SAFB: variants seen among roughly 807,000 people sequenced by gnomAD.
SAFB encodes the protein scaffold attachment factor B.
SAFB carries 15 observed loss-of-function variants against 101.6 expected under a neutral mutation model. The observed-to-expected ratio is 0.15, with a 90% confidence interval of 0.10 to 0.23. SAFB has a LOEUF of 0.23. Among genes scored for constraint, SAFB ranks in the 10% least tolerant of loss-of-function variants. The probability of loss-of-function intolerance (pLI) is 1.00; values close to 1 mark genes in which losing one functional copy is unlikely to be tolerated. For synonymous variants in SAFB, 449 were observed against 407.5 expected (o/e 1.10, Z -1.23); for missense variants, 930 against 1,104.1 (o/e 0.84, Z 2.23).
In SAFB at chr19:5,664,047, G is replaced by C. The variant is rs763229868; in HGVS notation, c.2179G>C (p.Ala727Pro). Reference sequence around the variant, plus strand: ...GCGAGATGATGCCTATTGGCCGGAAGCCAAGCGGGCCGCCCTGGATGAGCG... The same window carrying C: ...GCGAGATGATGCCTATTGGCCGGAACCCAAGCGGGCCGCCCTGGATGAGCG... ...DRRDDAYWPE[A>P]KRAALDERYH... The change falls in exon 16 of 21, where the codon GCC becomes CCC. Residue 727 changes from alanine (A) to proline (P), a missense_variant. Transcript: ENST00000588852. 2 of 1,614,058 alleles carry C rather than the reference G, an allele frequency of 1.2e-6. No homozygotes were observed. Among genetic ancestry groups the C allele is most frequent in the African/African-American group, 2.7e-5 (2 of 75,060 alleles).
chr19:5,649,805 G>T, intron 7 of SAFB, 121 bp from the exon 8 acceptor site: 1 of 911,188 alleles, frequency 1.1e-6, no homozygotes, highest in Non-Finnish European at 1.8e-6. Context: ...AGTTTGTCGG[G>T]GTATCATTTT....
chr19:5,635,946 G>A (rs771211032), intron 2 of SAFB, among the ~76,000 whole-genome samples: 4 of 151,972 alleles, frequency 2.6e-5, no homozygotes, highest in African/African-American at 4.8e-5. Context: ...TTTTTTAGAC[G>A]TTTTTCTTCT....
rs540651551 is a variant in SAFB, at chr19:5,626,338, G to C, written c.190-67G>C. 2.8e-5 allele frequency: 25 copies of C among 900,020 alleles called. No individual in the cohort carries two copies. In the South Asian group the frequency reaches 3.1e-4, roughly 11 times the overall value. 55.8% of individuals were successfully genotyped at this position (900,020 alleles called of 1,614,324 possible). A position where few individuals can be genotyped will look rare whatever the true frequency, so the allele number is the denominator to read the frequency against. On this transcript the variant is annotated intron_variant, in intron 1 of 20. Coordinates refer to ENST00000588852, the MANE Select transcript of SAFB (RefSeq NM_001201338.2). ...TAAAAATACAGTTTCCTTGTCACCTGAGAGCTCTCTGAAAGCAGTGTGTGA... is the reference window on the plus strand; with the variant it reads ...TAAAAATACAGTTTCCTTGTCACCTCAGAGCTCTCTGAAAGCAGTGTGTGA...
chr19:5,663,870 G>A, intron 15 of SAFB, 152 bp from the exon 16 acceptor site: 2 of 787,626 alleles, frequency 2.5e-6, no homozygotes, highest in Non-Finnish European at 4.0e-6. Flanking sequence ...TGCAGTCACT[G>A]GGGTCAAATC....
chr19:5,667,959 C>A lies in SAFB; in HGVS notation c.2624+73C>A. ...GCCTACCTTGCTGGAGGCTTAACAA[C>A]CAAGTCCTTCCAGCTAGTGCCCCTC... On this transcript the variant is annotated intron_variant, in intron 20 of 20. Coordinates refer to ENST00000588852, the MANE Select transcript of SAFB (RefSeq NM_001201338.2). This position sits in a 1 kb window ranked among gnomAD's most constrained non-coding sequence, Gnocchi z 4.0. 1.3e-6 allele frequency: 2 copies of A among 1,481,618 alleles called. No individual in the cohort carries two copies. The highest frequency in any genetic ancestry group is 1.8e-6 in the Non-Finnish European group (2 of 1,092,614). The allele number at this position is 1,481,618 out of a possible 1,614,324, so 91.8% of individuals were successfully genotyped here.
At chr19:5,645,866 GT>G (rs1488172861) in intron 5 of SAFB, among the ~76,000 whole-genome samples, 3 of 151,868 alleles carry the variant, frequency 2.0e-5, no homozygotes, top group Admixed American at 6.6e-5. Flanking sequence ...TCTTTGGGAA[GT>G]TTTTTTTGTT....
Position 5,623,182 on chromosome 19 carries a change from G to T in SAFB, c.-24G>T. 1.3e-6 allele frequency: 2 copies of T among 1,559,534 alleles called. No individual in the cohort carries two copies. Among genetic ancestry groups the T allele is most frequent in the Non-Finnish European group, 8.7e-7 (1 of 1,152,548 alleles). ...AACCGGCCCGGTTCTGTGGAAAGTG[G>T]GCGGCGGAGCCAGGGTCCCTGGAAT... On this transcript the variant is annotated 5_prime_UTR_variant, in exon 1 of 21. Transcript: ENST00000588852.
In SAFB at chr19:5,667,108, G is replaced by C; in HGVS notation, c.2397G>C (p.Gly799=). Residue 799 remains glycine, a synonymous_variant, in exon 18 of 21, where the codon GGG becomes GGC. Transcript: ENST00000588852. This position sits in a 1 kb window ranked among gnomAD's most constrained non-coding sequence, Gnocchi z 4.0. The part of the protein sequence containing the change: ...RHGRDSRDGW[G]GYGSDKRMSE... ...GCCGGGACTCCCGCGATGGCTGGGG[G>C]GGCTATGGCTCTGACAAGAGGATGA... 6.2e-7 allele frequency: 1 copy of C among 1,612,860 alleles called. No homozygotes were observed. Among genetic ancestry groups the C allele is most frequent in the Non-Finnish European group, 8.5e-7 (1 of 1,179,590 alleles).
At chr19:5,657,439 G>A (rs1465792810) in intron 14 of SAFB, 92 bp downstream of exon 14, 1 of 819,646 alleles carries the variant, frequency 1.2e-6, no homozygotes, top group Non-Finnish European at 2.0e-6. Flanking sequence ...CCCTGGGGTG[G>A]GATAGAGCTG....
At chr19:5,661,885 A>T (rs866064994) in intron 15 of SAFB, 77 bp downstream of exon 15, 18 of 833,040 alleles carry the variant, frequency 2.2e-5, no homozygotes, top group Non-Finnish European at 2.9e-5. Context: ...TTAGCTTGAG[A>T]TTTTTTTTTT....
rs2053886515 is a variant in SAFB at position 5,649,334 on chromosome 19, C to T, written c.983C>T (p.Ala328Val). Residue 328 changes from alanine to valine, a missense_variant, in exon 7 of 21, where the codon GCG becomes GTG. Ala to Val is a moderately conservative substitution (Grantham distance 64, BLOSUM62 0). This residue lies in a region of SAFB where 130 missense variants were observed against 114.2 expected (regional missense o/e 1.14). Coordinates refer to ENST00000588852, the MANE Select transcript of SAFB (RefSeq NM_001201338.2). ...CAGAGTAGTGCGGCCTCCGAGCTCG[C>T]GGAGGCCTCTAGCGAGGAGCTCGCA... is the stretch of plus-strand genomic sequence containing the variant. ...VEQSSAASELAEASSEELAEA... is the reference protein window; with the variant it reads ...VEQSSAASELVEASSEELAEA... 2.1e-5 allele frequency: 8 copies of T among 379,234 alleles called. No individual in the cohort carries two copies. Among genetic ancestry groups the T allele is most frequent in the East Asian group, 4.1e-5 (1 of 24,268 alleles). 23.5% of individuals were successfully genotyped at this position (379,234 alleles called of 1,614,324 possible).
At chr19:5,632,731 C>G (rs1356951965) in intron 2 of SAFB, among the ~76,000 whole-genome samples, 1 of 152,104 alleles carries the variant, frequency 6.6e-6, no homozygotes, top group East Asian at 1.9e-4. Context: ...ATGTTGTATT[C>G]CTGTTTTTTG....
chr19:5,659,934 GA>G (rs1387892756), intron 14 of SAFB, among the ~76,000 whole-genome samples: 2 of 152,198 alleles, frequency 1.3e-5, no homozygotes, highest in African/African-American at 4.8e-5. Flanking sequence ...GGACACAACT[GA>G]AAAGTTCCCA....
intron 4 of SAFB, among the ~76,000 whole-genome samples, chr19:5,643,014 A>G (rs1414061576): frequency 6.6e-6 from 1 of 151,874 alleles, no homozygotes; most frequent in East Asian, 1.9e-4. Context: ...TGTTGTCCCC[A>G]TTTTCAGTTG....
At chr19:5,641,155 C>T (rs2053703879) in intron 2 of SAFB, among the ~76,000 whole-genome samples, 1 of 152,166 alleles carries the variant, frequency 6.6e-6, no homozygotes, top group African/African-American at 2.4e-5. Context: ...CAGGCGTAAG[C>T]CATCGCATCC....
chr19:5,653,100 C>T lies in SAFB; in HGVS notation c.1294-15C>T, dbSNP rs768628146. 6.2e-7 allele frequency: 1 copy of T among 1,613,086 alleles called. No individual in the cohort carries two copies. Among genetic ancestry groups the T allele is most frequent in the South Asian group, 1.1e-5 (1 of 91,030 alleles). ...GGCTTCATGTCTGAGTCATATTTGC[C>T]TGCTTTCCTTTGAGGTGGTGGGCGC... is the stretch of plus-strand genomic sequence containing the variant. On this transcript the variant is annotated splice_polypyrimidine_tract_variant and intron_variant, in intron 9 of 20. Coordinates refer to ENST00000588852, the MANE Select transcript of SAFB (RefSeq NM_001201338.2).
rs2054361293 is a variant in SAFB, at chr19:5,667,555, A to G, written c.2557+105A>G. 4.8e-6 allele frequency: 4 copies of G among 836,602 alleles called. No homozygotes were observed. Among genetic ancestry groups the G allele is most frequent in the East Asian group, 2.7e-5 (1 of 36,964 alleles). 51.8% of individuals were successfully genotyped at this position (836,602 alleles called of 1,614,324 possible). On this transcript the variant is annotated intron_variant, in intron 19 of 20. Coordinates refer to ENST00000588852, the MANE Select transcript of SAFB (RefSeq NM_001201338.2). This position sits in a 1 kb window ranked among gnomAD's most constrained non-coding sequence, Gnocchi z 4.0. ...GGAGCACAGGAGGTGCTCTGCTCTC[A>G]GTGCTGGAATGAGGAATGAAGAGCA...
chr19:5,645,411 T>C lies in SAFB; in HGVS notation c.609+12T>C, dbSNP rs543811055. 11 of 1,235,980 alleles carry C rather than the reference T, an allele frequency of 8.9e-6. No individual in the cohort carries two copies. In the South Asian group the frequency reaches 1.2e-4, roughly 14 times the overall value. The allele number at this position is 1,235,980 out of a possible 1,614,324, so 76.6% of individuals were successfully genotyped here. A position where few individuals can be genotyped will look rare whatever the true frequency, so the allele number is the denominator to read the frequency against. On this transcript the variant is annotated intron_variant, in intron 5 of 20. Coordinates refer to ENST00000588852, the MANE Select transcript of SAFB (RefSeq NM_001201338.2). The stretch of plus-strand genomic sequence containing the variant: ...TCACTATATTACAGGTAAACTGTTG[T>C]ATGTCTCAGTACTTTTAGAATGAAA...
intron 14 of SAFB, among the ~76,000 whole-genome samples, chr19:5,659,558 T>A (rs2054147380): frequency 6.6e-6 from 1 of 151,966 alleles, no homozygotes; most frequent in Non-Finnish European, 1.5e-5. Context: ...ATTTTTTGTA[T>A]TTTTAGTAGA....
Sources: gnomAD v4.1 joint callset for allele counts (sites outside exome capture counted in the v4.1 genomes callset) on GRCh38, gnomAD v4.1.1 for gene constraint, gnomAD v4.1.1 regional missense constraint, Gnocchi (gnomAD v3.1) non-coding constraint, MANE v1.5 for transcripts, NCBI Gene and HGNC (gene_info 2026-07-23, HGNC 2026-07-21) for gene names.